EDA: variants seen among roughly 807,000 people sequenced by gnomAD.
EDA encodes the protein ectodysplasin A.
A neutral mutation model predicts 23.6 loss-of-function variants in EDA; 2 were observed. The observed-to-expected ratio is 0.08, with a 90% CI of 0.03 to 0.27. EDA has a LOEUF of 0.27. Among genes scored for constraint, EDA ranks in the 10% least tolerant of loss-of-function variants. The pLI is 1.00. For missense variants in EDA, 229 were observed against 324.2 expected, an observed-to-expected ratio of 0.71 and a Z score of 2.26; for synonymous variants, 131 against 132.0, an observed-to-expected ratio of 0.99 and a Z score of 0.05.
At chrX:69,765,259 A>C (rs2014436218) in intron 1 of EDA, among the ~76,000 whole-genome samples, 2 of 112,457 alleles carry the variant, frequency 1.8e-5, no homozygotes, top group African/African-American at 3.2e-5. Flanking sequence ...CTGAGGGCCT[A>C]CTATATGCCA....
chrX:69,951,026 G>T (rs762054814), intron 1 of EDA, among the ~76,000 whole-genome samples: 144 of 105,085 alleles, frequency 1.4e-3, no homozygotes, highest in African/African-American at 4.9e-3. Flanking sequence ...CACCAACATG[G>T]CACATGTATA....
chrX:69,846,590 C>T (rs746191708), intron 1 of EDA, among the ~76,000 whole-genome samples: 4 of 111,418 alleles, frequency 3.6e-5, no homozygotes, highest in Non-Finnish European at 5.6e-5. Context: ...CCACCGTGCC[C>T]GGCCTGTTTG....
chrX:69,944,574 C>T lies in EDA; in HGVS notation c.397-12453C>T, dbSNP rs777338648. Among the ~76,000 whole-genome samples the T allele has an allele frequency of 1.2e-4, 13 of 111,507 alleles. No individual in the cohort carries two copies. In the East Asian group the frequency reaches 3.7e-3, roughly 32 times the overall value. On this transcript the variant is annotated intron_variant, in intron 1 of 7. Coordinates refer to ENST00000374552, the MANE Select transcript of EDA (RefSeq NM_001399.5). ...GCAAGACAAAGTCCTCTTTATTCTC[C>T]CCTCGCCTCTCCTCAAGAAGAGGGA...
Position 69,867,160 on chromosome X carries a change from G to C in EDA, c.397-89867G>C, listed in dbSNP as rs761982715. Reference sequence around the variant, plus strand: ...AGTGGCTGTAGCCAGGTCAGCCTTGGTGGATGGAAGTCCATGTTGCTGAAC... The same window carrying C: ...AGTGGCTGTAGCCAGGTCAGCCTTGCTGGATGGAAGTCCATGTTGCTGAAC... On this transcript the variant is annotated intron_variant, in intron 1 of 7. Coordinates refer to ENST00000374552, the MANE Select transcript of EDA (RefSeq NM_001399.5). 2.7e-5 allele frequency among the ~76,000 whole-genome samples: 3 copies of C among 112,002 alleles called. No homozygotes were observed. In the East Asian group the frequency reaches 8.4e-4, roughly 31 times the overall value.
chrX:70,033,622 CAATGGCT>C, intron 7 of EDA, 94 bp downstream of exon 7: 1 of 1,025,530 alleles, frequency 9.8e-7, no homozygotes, highest in Non-Finnish European at 1.3e-6. Context: ...CAAGACCATC[CAATGGCT>C]AACTTCCTGC....
chrX:69,992,205 G>A (rs749815109), intron 2 of EDA, among the ~76,000 whole-genome samples: 9 of 111,806 alleles, frequency 8.0e-5, no homozygotes, highest in Non-Finnish European at 1.5e-4. Context: ...GGAACTCACC[G>A]CCATGTAGTT....
intron 1 of EDA, among the ~76,000 whole-genome samples, chrX:69,948,484 G>A (rs1906639371): frequency 9.0e-6 from 1 of 111,681 alleles, no homozygotes; most frequent in Admixed American, 9.4e-5. Flanking sequence ...GTTTCATTTG[G>A]CATTTGGCCT....
intron 1 of EDA, among the ~76,000 whole-genome samples, chrX:69,860,645 A>G (rs142438312): frequency 2.1e-4 from 23 of 110,376 alleles, no homozygotes; most frequent in African/African-American, 6.6e-4. Flanking sequence ...CCTTCTCTCT[A>G]GCTGCATTTA....
chrX:69,827,966 G>A (rs1423411217), intron 1 of EDA, among the ~76,000 whole-genome samples: 1 of 110,819 alleles, frequency 9.0e-6, no homozygotes, highest in African/African-American at 3.3e-5. Context: ...GCCGTGTGAG[G>A]TGTCAGTCTG....
At chrX:69,934,761 C>G (rs2147680396) in intron 1 of EDA, among the ~76,000 whole-genome samples, 1 of 111,767 alleles carries the variant, frequency 8.9e-6, no homozygotes, top group Non-Finnish European at 1.9e-5. Flanking sequence ...TGTATCCCTT[C>G]TTTGTATTGC....
chrX:69,910,372 AGAGTGTGTGTGTGTGTGTGT>A (rs1345125796), intron 1 of EDA, among the ~76,000 whole-genome samples: 12 of 51,449 alleles, frequency 2.3e-4, no homozygotes, highest in Non-Finnish European at 4.0e-4. Flanking sequence ...AGAGAGAGAG[AGAGTGTGTGTGTGTGTGTGT>A]GTGTGTGTGT....
chrX:69,863,599 ATATATATGTGTG>A (rs1298879612), intron 1 of EDA, among the ~76,000 whole-genome samples: 7 of 92,110 alleles, frequency 7.6e-5, no homozygotes, highest in African/African-American at 1.2e-4. Flanking sequence ...ACATATATGT[ATATATATGTGTG>A]TATATATGTG....
chrX:69,649,017 C>A (rs12391411), intron 1 of EDA, among the ~76,000 whole-genome samples: 1 of 111,488 alleles, frequency 9.0e-6, no homozygotes, highest in Non-Finnish European at 1.9e-5. Flanking sequence ...CCTTTGGCTG[C>A]ATGTCACTCC....
chrX:70,030,596 A>G, intron 6 of EDA, 76 bp downstream of exon 6: 1 of 952,890 alleles, frequency 1.0e-6, no homozygotes, highest in Non-Finnish European at 1.5e-6. Flanking sequence ...ATAATCACCC[A>G]GCCTAGTTCC....
intron 4 of EDA, among the ~76,000 whole-genome samples, chrX:70,029,225 G>T (rs1284065205): frequency 8.9e-6 from 1 of 112,718 alleles, no homozygotes; most frequent in Admixed American, 9.3e-5. Flanking sequence ...CTCTCTCATT[G>T]TTCTCCATGG....
intron 1 of EDA, among the ~76,000 whole-genome samples, chrX:69,682,218 C>G (rs771995372): frequency 8.9e-6 from 1 of 112,195 alleles, no homozygotes; most frequent in Non-Finnish European, 1.9e-5. Context: ...CCACTGCTCT[C>G]TTCAAAGCTG....
intron 1 of EDA, among the ~76,000 whole-genome samples, chrX:69,696,644 G>T (rs2011357316): frequency 9.0e-6 from 1 of 111,379 alleles, no homozygotes; most frequent in Admixed American, 9.6e-5. Flanking sequence ...TATTGATTAG[G>T]ATTTTCAACT....
chrX:69,846,974 T>C, intron 1 of EDA, among the ~76,000 whole-genome samples: 1 of 111,554 alleles, frequency 9.0e-6, no homozygotes, highest in Middle Eastern at 4.6e-3. Flanking sequence ...ATTTTGAGTA[T>C]GTGAGAATGG....
chrX:69,963,024 G>C (rs773038006), intron 2 of EDA, among the ~76,000 whole-genome samples: 2 of 111,496 alleles, frequency 1.8e-5, no homozygotes, highest in East Asian at 5.6e-4. Flanking sequence ...TGGCTGGCTG[G>C]CTGTATATAT....
Sources: allele counts gnomAD v4.1 joint callset (sites outside exome capture counted in the v4.1 genomes callset), GRCh38; gene constraint gnomAD v4.1.1; transcripts MANE v1.5; gene names NCBI Gene and HGNC (gene_info 2026-07-23, HGNC 2026-07-21).